ARHGEF38: variants seen among roughly 807,000 people sequenced by gnomAD.
ARHGEF38 encodes the protein Rho guanine nucleotide exchange factor (GEF) 38.
Under a neutral mutation model 79.9 loss-of-function variants are expected in ARHGEF38, and 79 were observed. That is an observed-to-expected ratio of 0.99 (90% confidence interval 0.82 to 1.19). The LOEUF (loss-of-function observed/expected upper bound fraction) is 1.19, where lower values mean the gene tolerates loss of function less well. ARHGEF38 is among the 50% of genes most tolerant of loss of function. ARHGEF38 has a pLI of 0.00. For missense variants in ARHGEF38, 962 were observed against 907.2 expected (o/e 1.06, Z -0.78); for synonymous variants, 366 against 328.3 (o/e 1.11, Z -1.24).
intron 1 of ARHGEF38, 22 bp downstream of exon 1, chr4:105,552,983 G>C (rs369268350): frequency 2.5e-6 from 4 of 1,584,924 alleles, no homozygotes; most frequent in Admixed American, 1.8e-5. Context: ...GAAATCAATT[G>C]TCCCAGTTAC....
chr4:105,627,641 A>G (rs1729002404), intron 3 of ARHGEF38, among the ~76,000 whole-genome samples: 1 of 152,142 alleles, frequency 6.6e-6, no homozygotes, highest in Non-Finnish European at 1.5e-5. Flanking sequence ...AGTTTTATTT[A>G]TTTTACAGGA....
At chr4:105,635,313 T>C (rs1729353706) in intron 4 of ARHGEF38, among the ~76,000 whole-genome samples, 1 of 152,112 alleles carries the variant, frequency 6.6e-6, no homozygotes. Context: ...ATAGTGCCAC[T>C]ACTCCACAGA....
chr4:105,593,211 C>G (rs1278988523), intron 2 of ARHGEF38, among the ~76,000 whole-genome samples: 1 of 151,838 alleles, frequency 6.6e-6, no homozygotes, highest in Non-Finnish European at 1.5e-5. Flanking sequence ...AAAATCTGTC[C>G]CTGCGATTGG....
At chr4:105,674,363 T>G (rs1731051613) in intron 13 of ARHGEF38, among the ~76,000 whole-genome samples, 1 of 152,042 alleles carries the variant, frequency 6.6e-6, no homozygotes, top group Admixed American at 6.6e-5. Flanking sequence ...GAAGATTAGG[T>G]GATTATGGCT....
chr4:105,668,133 A>G (rs1267815549), intron 13 of ARHGEF38, among the ~76,000 whole-genome samples: 1 of 152,118 alleles, frequency 6.6e-6, no homozygotes, highest in Non-Finnish European at 1.5e-5. Context: ...GTAATTGGCC[A>G]GTTTTAATCT....
At chr4:105,631,185 A>G (rs764358182) in intron 4 of ARHGEF38, 140 bp downstream of exon 4, 13 of 1,299,906 alleles carry the variant, frequency 1.0e-5, no homozygotes, top group Non-Finnish European at 1.3e-5. Flanking sequence ...CATTCCCTTT[A>G]TAAAAAGCTG....
chr4:105,578,497 T>C (rs191583456), intron 1 of ARHGEF38, among the ~76,000 whole-genome samples: 1 of 152,294 alleles, frequency 6.6e-6, no homozygotes, highest in East Asian at 1.9e-4. Context: ...GTCTTGATGA[T>C]CTGTGTAGTA....
chr4:105,648,456 T>A, intron 6 of ARHGEF38, 93 bp from the exon 7 acceptor site: 2 of 1,165,810 alleles, frequency 1.7e-6, no homozygotes, highest in African/African-American at 3.1e-5. Flanking sequence ...ATATTTATCT[T>A]GAATATAAAT....
chr4:105,555,096 G>A (rs1412060636), intron 1 of ARHGEF38, among the ~76,000 whole-genome samples: 1 of 152,094 alleles, frequency 6.6e-6, no homozygotes, highest in Non-Finnish European at 1.5e-5. Flanking sequence ...GCAGACATGG[G>A]TTGGTTACTT....
intron 1 of ARHGEF38, among the ~76,000 whole-genome samples, chr4:105,567,776 GT>G (rs568076497): frequency 1.8e-4 from 27 of 151,212 alleles, no homozygotes; most frequent in Non-Finnish European, 3.0e-4. Flanking sequence ...TAGATATAAG[GT>G]TTTTTTTTCT....
chr4:105,672,681 C>T (rs533991901), intron 13 of ARHGEF38, among the ~76,000 whole-genome samples: 12 of 152,246 alleles, frequency 7.9e-5, no homozygotes, highest in Non-Finnish European at 1.3e-4. Context: ...AGTCCAAGCA[C>T]GGTTTAGCTG....
intron 2 of ARHGEF38, among the ~76,000 whole-genome samples, chr4:105,610,195 T>G (rs1728231271): frequency 6.6e-6 from 1 of 151,808 alleles, no homozygotes; most frequent in African/African-American, 2.4e-5. Context: ...CAACACACAC[T>G]AGGGCTGATT....
intron 3 of ARHGEF38, among the ~76,000 whole-genome samples, chr4:105,625,116 C>T (rs1728888945): frequency 6.6e-6 from 1 of 152,182 alleles, no homozygotes; most frequent in South Asian, 2.1e-4. Context: ...TTTTTGTAAA[C>T]ATTATCTTAG....
At chr4:105,663,983 AAC>A (rs1491443875) in intron 10 of ARHGEF38, among the ~76,000 whole-genome samples, 3 of 147,290 alleles carry the variant, frequency 2.0e-5, no homozygotes, top group African/African-American at 5.3e-5. Flanking sequence ...AAAAAAAAAA[AAC>A]AAACAAAACA....
At chr4:105,643,229 T>C (rs963085160) in intron 5 of ARHGEF38, among the ~76,000 whole-genome samples, 9 of 151,926 alleles carry the variant, frequency 5.9e-5, no homozygotes, top group Admixed American at 2.0e-4. Flanking sequence ...TGGAAACCAA[T>C]AATCCATCTC....
chr4:105,611,441 C>G (rs1233084804), intron 2 of ARHGEF38, among the ~76,000 whole-genome samples: 1 of 151,858 alleles, frequency 6.6e-6, no homozygotes, highest in East Asian at 1.9e-4. Flanking sequence ...ACACATAAGG[C>G]AATTCTTTAG....
In ARHGEF38 at chr4:105,677,825, A is replaced by G; in HGVS notation, c.2222A>G (p.His741Arg). ...ELSLQEYQRV[H>R]ILRFCDLSGN... ...AGCCTTCAGGAATACCAGAGAGTTC[A>G]TATACTCAGGTTTTGTGACCTAAGT... Residue 741 changes from histidine (H) to arginine (R), a missense_variant, in exon 14 of 14, where the codon CAT becomes CGT. Transcript: ENST00000420470. 3 of 1,535,732 alleles carry G rather than the reference A, an allele frequency of 2.0e-6. No homozygotes were observed. The highest frequency in any genetic ancestry group is 2.6e-6 in the Non-Finnish European group (3 of 1,146,472).
chr4:105,670,172 A>G (rs981827054), intron 13 of ARHGEF38, among the ~76,000 whole-genome samples: 4 of 152,166 alleles, frequency 2.6e-5, no homozygotes, highest in Non-Finnish European at 4.4e-5. Flanking sequence ...TATTGGTTTT[A>G]TAAGTGTATG....
chr4:105,582,511 G>A (rs947778158), intron 1 of ARHGEF38, among the ~76,000 whole-genome samples: 2 of 150,154 alleles, frequency 1.3e-5, no homozygotes, highest in African/African-American at 2.5e-5. Context: ...TATTTTGTAG[G>A]TTTTGGTTCT....
Sources: allele counts gnomAD v4.1 joint callset (sites outside exome capture counted in the v4.1 genomes callset), GRCh38; gene constraint gnomAD v4.1.1; transcripts MANE v1.5; gene names NCBI Gene and HGNC (gene_info 2026-07-23, HGNC 2026-07-21).